The following SH3RF2 variants were observed in gnomAD, a reference collection of about 807,000 sequenced individuals.
SH3RF2 encodes E3 ubiquitin-protein ligase SH3RF2.
Under a neutral mutation model 59.0 loss-of-function variants are expected in SH3RF2, and 43 were observed. That is an observed-to-expected ratio of 0.73 (90% CI 0.57 to 0.94). The LOEUF (loss-of-function observed/expected upper bound fraction) is 0.94. SH3RF2 is among the 40% of genes least tolerant of loss of function. SH3RF2 has a pLI of 0.00. For synonymous variants in SH3RF2, 391 were observed against 391.5 expected (o/e 1.00, Z 0.01); for missense variants, 930 against 940.1 (o/e 0.99, Z 0.14).
intron 3 of SH3RF2, among the ~76,000 whole-genome samples, chr5:146,001,352 T>C (rs999813912): frequency 1.3e-5 from 2 of 152,200 alleles, no homozygotes; most frequent in Admixed American, 1.3e-4. Flanking sequence ...GGTGTTTCGT[T>C]TTACAAAATG....
At chr5:145,979,008 T>C (rs1759408652) in intron 2 of SH3RF2, among the ~76,000 whole-genome samples, 1 of 152,206 alleles carries the variant, frequency 6.6e-6, no homozygotes, top group South Asian at 2.1e-4. Context: ...ACAGATATCC[T>C]ACCAAATGGT....
At chr5:145,963,243 AATGGATGGATGGATGGATGGATGGATGG>A (rs58658769) in intron 2 of SH3RF2, among the ~76,000 whole-genome samples, 1 of 147,928 alleles carries the variant, frequency 6.8e-6, no homozygotes, top group Non-Finnish European at 1.5e-5. Context: ...ATACTGGATG[AATGGATGGATGGATGGATGGATGGATGG>A]ATGGATGGAT....
intron 8 of SH3RF2, among the ~76,000 whole-genome samples, chr5:146,059,105 G>C (rs1762786783): frequency 6.6e-6 from 1 of 152,172 alleles, no homozygotes; most frequent in South Asian, 2.1e-4. Flanking sequence ...TTACAAACGA[G>C]AGAACTGAGG....
intron 5 of SH3RF2, among the ~76,000 whole-genome samples, chr5:146,040,320 C>T (rs989394609): frequency 1.3e-5 from 2 of 152,046 alleles, no homozygotes; most frequent in Admixed American, 6.5e-5. Context: ...TATACTTATC[C>T]GTATGCAAAA....
intron 2 of SH3RF2, among the ~76,000 whole-genome samples, chr5:145,988,850 T>C (rs1334108649): frequency 1.3e-5 from 2 of 152,138 alleles, no homozygotes; most frequent in Non-Finnish European, 2.9e-5. Context: ...AGTGTCTCCC[T>C]CCTTATCAGA....
At chr5:145,957,086 A>G (rs139928116) in intron 2 of SH3RF2, among the ~76,000 whole-genome samples, 2,062 of 152,338 alleles carry the variant, frequency 0.014, 21 homozygotes, top group Non-Finnish European at 0.02. Context: ...CAATTCTTTT[A>G]TATAACAGCT....
chr5:146,066,074 C>A (rs1393539710), downstream of SH3RF2, among the ~76,000 whole-genome samples: 1 of 152,188 alleles, frequency 6.6e-6, no homozygotes, highest in Non-Finnish European at 1.5e-5. Context: ...CATTTCAGAG[C>A]CAAGGAAACT....
chr5:146,004,276 A>G (rs1379167682), intron 4 of SH3RF2, 123 bp downstream of exon 4: 6 of 651,080 alleles, frequency 9.2e-6, no homozygotes, highest in Non-Finnish European at 1.4e-5. Flanking sequence ...TAAAATCTCT[A>G]AAGAAAAGAT....
intron 9 of SH3RF2, among the ~76,000 whole-genome samples, chr5:146,069,458 G>C (rs1336533579): frequency 6.6e-6 from 1 of 151,376 alleles, no homozygotes; most frequent in African/African-American, 2.4e-5. Flanking sequence ...ACCAAAAGCA[G>C]CTTCTCAGAA....
intron 9 of SH3RF2, among the ~76,000 whole-genome samples, chr5:146,071,188 G>A (rs1357202392): frequency 1.3e-5 from 2 of 152,188 alleles, no homozygotes; most frequent in Non-Finnish European, 2.9e-5. Flanking sequence ...GCTAAAACAG[G>A]CCTGGAGGTC....
Position 146,049,201 on chromosome 5 carries a change from G to A in SH3RF2, c.1278G>A (p.Gly426=), listed in dbSNP as rs1580919173. ...GWLRGVSLVT[G]RVGIFPNNYV... ...TCAGGGGCGTCTCCTTGGTCACCGGGCGAGTCGGCATCTTCCCAAACAATT... is the reference window on the plus strand; with the variant it reads ...TCAGGGGCGTCTCCTTGGTCACCGGACGAGTCGGCATCTTCCCAAACAATT... Residue 426 remains glycine (G), a synonymous_variant, in exon 7 of 10, where the codon GGG becomes GGA. Coordinates refer to ENST00000359120, the MANE Select transcript of SH3RF2 (RefSeq NM_152550.4). The A allele has an allele frequency of 1.9e-6, 3 of 1,613,900 alleles. No homozygotes were observed. The highest frequency in any genetic ancestry group is 4.5e-5 in the East Asian group (2 of 44,862).
At chr5:146,017,815 G>C (rs115407678) in intron 5 of SH3RF2, among the ~76,000 whole-genome samples, 1 of 151,800 alleles carries the variant, frequency 6.6e-6, no homozygotes, top group Non-Finnish European at 1.5e-5. Context: ...CAATCACTTC[G>C]CCTCACCCCG....
At chr5:145,953,813 G>A (rs1030756922) in intron 2 of SH3RF2, among the ~76,000 whole-genome samples, 1 of 152,090 alleles carries the variant, frequency 6.6e-6, no homozygotes, top group African/African-American at 2.4e-5. Context: ...TGCCGTATTT[G>A]GTTTATTGTT....
chr5:146,048,412 A>C (rs1313396808), intron 6 of SH3RF2, among the ~76,000 whole-genome samples: 2 of 152,196 alleles, frequency 1.3e-5, no homozygotes, highest in African/African-American at 4.8e-5. Context: ...ATACCACAAC[A>C]TCACTGGGAG....
intron 2 of SH3RF2, among the ~76,000 whole-genome samples, chr5:145,953,570 T>G (rs530621462): frequency 6.6e-6 from 1 of 152,290 alleles, no homozygotes; most frequent in East Asian, 1.9e-4. Flanking sequence ...TTAACTTTTA[T>G]TTTAGGTTCA....
Position 146,062,671 on chromosome 5 carries a change from A to T in SH3RF2, c.2160A>T (p.Ser720=). 1 of 1,613,962 alleles carries T rather than the reference A, an allele frequency of 6.2e-7. No homozygotes were observed. The part of the protein sequence containing the change: ...GKATTLVSTA[S]GTQTVFPSK ...CCACAACCCTGGTGTCCACTGCCTCAGGCACGCAGACCGTGTTTCCCAGCA... is the reference window on the plus strand; with the variant it reads ...CCACAACCCTGGTGTCCACTGCCTCTGGCACGCAGACCGTGTTTCCCAGCA... Residue 720 remains serine (S), a synonymous_variant, in exon 10 of 10, where the codon TCA becomes TCT. Transcript: ENST00000359120.
chr5:146,007,863 G>A (rs536453365), intron 4 of SH3RF2, among the ~76,000 whole-genome samples: 9 of 152,290 alleles, frequency 5.9e-5, no homozygotes, highest in African/African-American at 2.2e-4. Flanking sequence ...TCTAAATTGT[G>A]CTTTTTAAAG....
chr5:146,019,831 T>C (rs1235675789), intron 5 of SH3RF2, among the ~76,000 whole-genome samples: 1 of 152,162 alleles, frequency 6.6e-6, no homozygotes, highest in African/African-American at 2.4e-5. Flanking sequence ...TGGTTAAGTA[T>C]ATTTTTGTAA....
chr5:145,976,935 T>G (rs143933081), intron 2 of SH3RF2, among the ~76,000 whole-genome samples: 266 of 152,362 alleles, frequency 1.7e-3, no homozygotes, highest in African/African-American at 6.1e-3. Flanking sequence ...ACTCATAAAG[T>G]ACCCCCTTCC....
Sources: allele counts gnomAD v4.1 joint callset (sites outside exome capture counted in the v4.1 genomes callset), GRCh38; gene constraint gnomAD v4.1.1; transcripts MANE v1.5; gene names NCBI Gene and HGNC (gene_info 2026-07-23, HGNC 2026-07-21).